NFKB2: variants seen among roughly 807,000 people sequenced by gnomAD.
NFKB2 encodes the protein nuclear factor kappa B subunit 2, also known as nuclear factor NF-kappa-B p100 subunit.
NFKB2 carries 21 observed loss-of-function variants against 109.3 expected under a neutral mutation model. That is an observed-to-expected ratio of 0.19 (90% CI 0.14 to 0.28). NFKB2 has a LOEUF of 0.28. Among genes scored for constraint, NFKB2 ranks in the 10% least tolerant of loss-of-function variants. The pLI, the probability that NFKB2 is intolerant of heterozygous loss-of-function variation, is 1.00. For missense variants in NFKB2, 806 were observed against 1,185.3 expected, an observed-to-expected ratio of 0.68 and a Z score of 4.70; for synonymous variants, 478 against 489.9, an observed-to-expected ratio of 0.98 and a Z score of 0.32.
rs375624291 is a variant in NFKB2, at chr10:102,401,999, G to A, written c.2467-49G>A. On this transcript the variant is annotated intron_variant, in intron 21 of 22. Transcript: ENST00000661543. This position sits in a 1 kb window ranked among gnomAD's most constrained non-coding sequence, Gnocchi z 4.2. ...GTGCCTCCTTGGCCCCAGGGCTCCC[G>A]AGCACATGCCCTAACCATGACTCAG... 12 of 1,578,076 alleles carry A rather than the reference G, an allele frequency of 7.6e-6. No homozygotes were observed. Among genetic ancestry groups the A allele is most frequent in the African/African-American group, 1.3e-5 (1 of 74,128 alleles).
chr10:102,402,341 C>A lies in NFKB2; in HGVS notation c.2668C>A (p.Leu890Ile). The A allele has an allele frequency of 6.4e-7, 1 of 1,564,886 alleles. No individual in the cohort carries two copies. Among genetic ancestry groups the A allele is most frequent in the East Asian group, 2.3e-5 (1 of 43,214 alleles). ...LGPPPEPPGG[L>I]CHGHPQPQVH ...CCCACCCCCTGAGCCACCAGGAGGG[C>A]TCTGCCACGGGCACCCCCAGCCTCA... Residue 890 changes from leucine to isoleucine, a missense_variant, in exon 23 of 23, where the codon CTC becomes ATC. By Grantham distance (5) the Leu-to-Ile change is conservative. Around this residue, in one of 10 missense-constraint regions of NFKB2, gnomAD observed 211 missense variants for 268.7 expected, o/e 0.79. Transcript: ENST00000661543.
In NFKB2 at chr10:102,402,210, T is replaced by C. The variant is rs7077329; in HGVS notation, c.2579-42T>C. ...ATCTGGACCTGGAGGGCCGGAGGCCTGAGGCTTTGACTATCCCATTCCTGT... is the reference window on the plus strand; with the variant it reads ...ATCTGGACCTGGAGGGCCGGAGGCCCGAGGCTTTGACTATCCCATTCCTGT... On this transcript the variant is annotated intron_variant, in intron 22 of 22. Transcript: ENST00000661543. The C allele has an allele frequency of 0.66, 1,023,217 of 1,551,174 alleles. 340,263 individuals carry two copies. The highest frequency in any genetic ancestry group is 0.81 in the African/African-American group (58,782 of 72,826).
chr10:102,396,596 G>T lies in NFKB2; in HGVS notation c.144+107G>T, dbSNP rs1372998627. 1.3e-6 allele frequency: 2 copies of T among 1,577,816 alleles called. No individual in the cohort carries two copies. The highest frequency in any genetic ancestry group is 2.7e-5 in the African/African-American group (2 of 74,200). On this transcript the variant is annotated intron_variant, in intron 4 of 22. Transcript: ENST00000661543. The surrounding 1 kb of genome is among the most constrained non-coding windows in gnomAD (Gnocchi z 5.9). ...AGCCATTGCCGAAGGAGGCCACAGGGGATTGGATGGTCACTGCTGCTGATC... is the reference window on the plus strand; with the variant it reads ...AGCCATTGCCGAAGGAGGCCACAGGTGATTGGATGGTCACTGCTGCTGATC...
Position 102,400,949 on chromosome 10 carries a change from C to T in NFKB2, c.1971C>T (p.Leu657=), listed in dbSNP as rs1235585705. The T allele has an allele frequency of 3.7e-6, 6 of 1,612,426 alleles. 1 individual carries two copies. The South Asian group carries it at 5.5e-5, about 15-fold the overall frequency. ...LGLVTHLVTK[L]RANVNARTFA... ...ACTCTCGCTGCTCGCACCCCCAGCT[C>T]CGGGCCAACGTGAACGCTCGCACCT... Residue 657 remains leucine, a splice_region_variant and synonymous_variant, in exon 18 of 23, where the codon CTC becomes CTT. Transcript: ENST00000661543. The surrounding 1 kb of genome is among the most constrained non-coding windows in gnomAD (Gnocchi z 6.3).
Position 102,397,904 on chromosome 10 carries a change from G to A in NFKB2, c.662-77G>A. On this transcript the variant is annotated intron_variant, in intron 8 of 22. Coordinates refer to ENST00000661543, the MANE Select transcript of NFKB2 (RefSeq NM_001322934.2). The surrounding 1 kb of genome is among the most constrained non-coding windows in gnomAD (Gnocchi z 4.7). ...CAGCTCCAGGGGTTGCTGAGATAAG[G>A]AATACAAAGCCCCCAGCTTCTTAAA... is the stretch of plus-strand genomic sequence containing the variant. The A allele has an allele frequency of 6.8e-7, 1 of 1,472,728 alleles. No homozygotes were observed. The highest frequency in any genetic ancestry group is 9.5e-7 in the Non-Finnish European group (1 of 1,055,850). The allele number at this position is 1,472,728 out of a possible 1,614,324, so 91.2% of individuals were successfully genotyped here. A position where few individuals can be genotyped will look rare whatever the true frequency, so the allele number is the denominator to read the frequency against.
At position 102,396,897 on chromosome 10, in the gene NFKB2, C is replaced by G; in HGVS notation, c.244-7C>G. The G allele has an allele frequency of 6.2e-7, 1 of 1,602,818 alleles. No individual in the cohort carries two copies. Among genetic ancestry groups the G allele is most frequent in the Non-Finnish European group, 8.5e-7 (1 of 1,170,490 alleles). On this transcript the variant is annotated splice_polypyrimidine_tract_variant and splice_region_variant and intron_variant, in intron 5 of 22. Transcript: ENST00000661543. The surrounding 1 kb of genome is among the most constrained non-coding windows in gnomAD (Gnocchi z 5.9). ...AGGCCCTGACTGACAGTCCCTGCCT[C>G]TCCTAGATCTGTAACTACGAGGGAC...
In NFKB2 at chr10:102,399,675, G is replaced by A. The variant is rs2135436019; in HGVS notation, c.1426G>A (p.Gly476Arg). 1.3e-6 allele frequency: 2 copies of A among 1,523,262 alleles called. No individual in the cohort carries two copies. Among genetic ancestry groups the A allele is most frequent in the East Asian group, 2.5e-5 (1 of 40,180 alleles). 94.4% of individuals were successfully genotyped at this position (1,523,262 alleles called of 1,614,324 possible). A position where few individuals can be genotyped will look rare whatever the true frequency, so the allele number is the denominator to read the frequency against. The stretch of plus-strand genomic sequence containing the variant: ...CGCGGACGCGCGCGCGCTGCTGGCG[G>A]GACAGCGCCACCTGCTGACGGCGCA... Reference protein sequence around the residue: ...VTADARALLAGQRHLLTAQDE... With the variant: ...VTADARALLARQRHLLTAQDE... Residue 476 changes from glycine (G) to arginine (R), a missense_variant, in exon 14 of 23, where the codon GGA (glycine) becomes AGA (arginine). Around this residue, in one of 10 missense-constraint regions of NFKB2, gnomAD observed 209 missense variants for 211.9 expected, o/e 0.99. Transcript: ENST00000661543.
In NFKB2 at chr10:102,399,705, G is replaced by A; in HGVS notation, c.1456G>A (p.Glu486Lys). 1 of 1,492,576 alleles carries A rather than the reference G, an allele frequency of 6.7e-7. No individual in the cohort carries two copies. The highest frequency in any genetic ancestry group is 8.9e-7 in the Non-Finnish European group (1 of 1,119,456). 92.5% of individuals were successfully genotyped at this position (1,492,576 alleles called of 1,614,324 possible). ...GQRHLLTAQDENGDTPLHLAI... is the reference protein window; with the variant it reads ...GQRHLLTAQDKNGDTPLHLAI... ...GCGCCACCTGCTGACGGCGCAGGAC[G>A]AGAACGGAGACACGTAGGCAACAGA... Residue 486 changes from glutamate (E) to lysine (K), a missense_variant, in exon 14 of 23, where the codon GAG becomes AAG. This residue lies in a region of NFKB2 where 163 missense variants were observed against 207.1 expected (regional missense o/e 0.79). Transcript: ENST00000661543.
chr10:102,401,217 C>A lies in NFKB2; in HGVS notation c.2109C>A (p.Cys703Ter). 2 of 1,606,730 alleles carry A rather than the reference C, an allele frequency of 1.2e-6. No homozygotes were observed. The highest frequency in any genetic ancestry group is 1.7e-5 in the Admixed American group (1 of 59,238). Residue 703 changes from cysteine (C) to a stop codon, truncating the protein, a stop_gained, in exon 19 of 23, where the codon TGC becomes TGA. Transcript: ENST00000661543. LOFTEE classifies it high-confidence loss of function. The surrounding 1 kb of genome is among the most constrained non-coding windows in gnomAD (Gnocchi z 4.2). Reference protein sequence around the residue: ...DIHAENEEPLCPLPSPPTSDS... With the variant: ...DIHAENEEPL ...ATGCTGAAAACGAGGAGCCCCTGTG[C>A]CCACTGCCTTCACCCCCTACCTCTG... is the stretch of plus-strand genomic sequence containing the variant.
chr10:102,399,943 A>G lies in NFKB2; in HGVS notation c.1470-137A>G, dbSNP rs1054516740. 14 of 1,075,364 alleles carry G rather than the reference A, an allele frequency of 1.3e-5. No homozygotes were observed. In the South Asian group the frequency reaches 1.7e-4, roughly 13 times the overall value. The allele number at this position is 1,075,364 out of a possible 1,614,324, so 66.6% of individuals were successfully genotyped here. On this transcript the variant is annotated intron_variant, in intron 14 of 22. Coordinates refer to ENST00000661543, the MANE Select transcript of NFKB2 (RefSeq NM_001322934.2). ...CCTCAAAAGGTGCTGCGAAACGTTA[A>G]GTGCAGGCACAGCGATGCCCTGGGC...
rs749002421 is a variant in NFKB2 at position 102,400,623 on chromosome 10, A to G, written c.1799-32A>G. On this transcript the variant is annotated intron_variant, in intron 16 of 22. Coordinates refer to ENST00000661543, the MANE Select transcript of NFKB2 (RefSeq NM_001322934.2). The surrounding 1 kb of genome is among the most constrained non-coding windows in gnomAD (Gnocchi z 6.3). ...TGGTCCAGGGGCTGCCTTAAGGGTC[A>G]CAGCTGCAGGTTGAGCATCCTGCAT... 1.9e-6 allele frequency: 3 copies of G among 1,611,044 alleles called. No individual in the cohort carries two copies. The highest frequency in any genetic ancestry group is 2.5e-6 in the Non-Finnish European group (3 of 1,177,946).
rs866997446 is a variant in NFKB2, at chr10:102,402,296, C to G, written c.2623C>G (p.Gln875Glu). ...DSAYGSQSVE[Q>E]EAEKLGPPPE... ...TGCGTACGGGAGCCAGTCAGTGGAGCAGGAGGCAGAGAAGCTGGGCCCACC... is the reference window on the plus strand; with the variant it reads ...TGCGTACGGGAGCCAGTCAGTGGAGGAGGAGGCAGAGAAGCTGGGCCCACC... The change falls in exon 23 of 23, where the codon CAG becomes GAG. Residue 875 changes from glutamine (Q) to glutamate (E), a missense_variant. Physicochemically the swap from Gln to Glu is conservative, Grantham distance 29 (BLOSUM62 2). Around this residue, in one of 10 missense-constraint regions of NFKB2, gnomAD observed 211 missense variants for 268.7 expected, o/e 0.79. Transcript: ENST00000661543. The G allele has an allele frequency of 6.4e-7, 1 of 1,561,738 alleles. No homozygotes were observed.
Position 102,397,946 on chromosome 10 carries a change from G to A in NFKB2, c.662-35G>A, listed in dbSNP as rs919514099. 15 of 1,602,490 alleles carry A rather than the reference G, an allele frequency of 9.4e-6. No homozygotes were observed. In the South Asian group the frequency reaches 1.1e-4, roughly 12 times the overall value. Reference sequence around the variant, plus strand: ...CTTCTTAAATGTGGCCTTGGCTATTGCATCATCTCAACTAATCCATATCCC... The same window carrying A: ...CTTCTTAAATGTGGCCTTGGCTATTACATCATCTCAACTAATCCATATCCC... On this transcript the variant is annotated intron_variant, in intron 8 of 22. Transcript: ENST00000661543. This position sits in a 1 kb window ranked among gnomAD's most constrained non-coding sequence, Gnocchi z 4.7.
chr10:102,401,954 C>CT lies in NFKB2; in HGVS notation c.2466+40dup, dbSNP rs755398741. On this transcript the variant is annotated intron_variant, in intron 21 of 22. Transcript: ENST00000661543. The surrounding 1 kb of genome is among the most constrained non-coding windows in gnomAD (Gnocchi z 4.2). ...TGTGCCCTGCCCCCTCCCCAGCCTC[C>CT]TTTCCCGATCTGAGTCCAGGTGCCT... The CT allele has an allele frequency of 1.9e-6, 3 of 1,597,680 alleles. No individual in the cohort carries two copies. Among genetic ancestry groups the CT allele is most frequent in the Non-Finnish European group, 2.6e-6 (3 of 1,170,570 alleles).
In NFKB2 at chr10:102,396,232, C is replaced by T. The variant is rs776465218; in HGVS notation, c.22-21C>T. On this transcript the variant is annotated intron_variant, in intron 2 of 22. Transcript: ENST00000661543. This position sits in a 1 kb window ranked among gnomAD's most constrained non-coding sequence, Gnocchi z 5.9. ...GGGGTGCTGAGAGTCGGATGCCACC[C>T]CCAGTCTGTCTCCAAACCAGGGTCT... 13 of 1,596,868 alleles carry T rather than the reference C, an allele frequency of 8.1e-6. No homozygotes were observed. The Admixed American group carries it at 2.2e-4, about 27-fold the overall frequency.
upstream of NFKB2, chr10:102,394,260 C>T (rs1230088616): frequency 6.6e-6 from 1 of 152,216 alleles, no homozygotes; most frequent in African/African-American, 2.4e-5. Context: ...AGCTCCCGGC[C>T]CGGGGTGGCG....
In NFKB2 at chr10:102,398,332, G is replaced by A. The variant is rs11574846; in HGVS notation, c.852+35G>A. 1.9e-3 allele frequency: 3,137 copies of A among 1,614,078 alleles called. 52 individuals are homozygous for A. The African/African-American group carries it at 0.037, about 19-fold the overall frequency. On this transcript the variant is annotated intron_variant, in intron 10 of 22. Transcript: ENST00000661543. This position sits in a 1 kb window ranked among gnomAD's most constrained non-coding sequence, Gnocchi z 6.6. The stretch of plus-strand genomic sequence containing the variant: ...GCTAGGGCCCGGGCCCGGGCTGGGG[G>A]CTAAATTAGGCTAAGGACTCACTGA...
rs762304676 is a variant in NFKB2, at chr10:102,398,542, C to T, written c.991+19C>T. The T allele has an allele frequency of 9.3e-6, 15 of 1,611,764 alleles. No individual in the cohort carries two copies. The highest frequency in any genetic ancestry group is 1.3e-5 in the Non-Finnish European group (15 of 1,178,518). Reference sequence around the variant, plus strand: ...GTGGAAGGTGGAGCTGGGCTGAGGACCTCAGGGTGCTGGCGGGGGGCCAGG... The same window carrying T: ...GTGGAAGGTGGAGCTGGGCTGAGGATCTCAGGGTGCTGGCGGGGGGCCAGG... On this transcript the variant is annotated intron_variant, in intron 11 of 22. Coordinates refer to ENST00000661543, the MANE Select transcript of NFKB2 (RefSeq NM_001322934.2). This position sits in a 1 kb window ranked among gnomAD's most constrained non-coding sequence, Gnocchi z 6.6.
intron 14 of NFKB2, 124 bp downstream of exon 14, chr10:102,399,842 T>C: frequency 7.3e-7 from 1 of 1,374,570 alleles, no homozygotes; most frequent in East Asian, 2.5e-5. Flanking sequence ...GTTCACAAGC[T>C]CTGTTCAAGC....
Sources: gnomAD v4.1 joint callset for allele counts on GRCh38, gnomAD v4.1.1 for gene constraint, gnomAD v4.1.1 regional missense constraint, Gnocchi (gnomAD v3.1) non-coding constraint, MANE v1.5 for transcripts, NCBI Gene and HGNC (gene_info 2026-07-23, HGNC 2026-07-21) for gene names.